Variants in CDKAL1 observed in about 807,000 individuals in gnomAD.
The protein encoded by CDKAL1 is threonylcarbamoyladenosine tRNA methylthiotransferase.
Under a neutral mutation model 68.2 loss-of-function variants are expected in CDKAL1, and 32 were observed. The ratio of observed to expected loss-of-function variants is 0.47; its 90% CI spans 0.35 to 0.63. The LOEUF is 0.63. Ranked by LOEUF, CDKAL1 falls within the 30% of genes least tolerant of loss-of-function variation. The probability of loss-of-function intolerance (pLI) is 0.00; values close to 1 mark genes in which losing one functional copy is unlikely to be tolerated. For synonymous variants in CDKAL1, 234 were observed against 244.3 expected, an observed-to-expected ratio of 0.96 and a Z score of 0.39; for missense variants, 606 against 696.7, an observed-to-expected ratio of 0.87 and a Z score of 1.47.
At chr6:21,058,308 T>G (rs919786653) in intron 11 of CDKAL1, among the ~76,000 whole-genome samples, 1 of 152,234 alleles carries the variant, frequency 6.6e-6, no homozygotes, top group Admixed American at 6.5e-5. Flanking sequence ...GTTTAAAATC[T>G]GTTTTGTCAT....
Position 20,608,130 on chromosome 6 carries a change from A to G in CDKAL1, c.287-41163A>G, listed in dbSNP as rs146042297. On this transcript the variant is annotated intron_variant, in intron 4 of 15. Transcript: ENST00000274695. ...CATTTGGGTACATAGAAGTTTACTG[A>G]GGAAAGAAGTTTAGTGTCTGTCATA... 1.2e-3 allele frequency among the ~76,000 whole-genome samples: 187 copies of G among 152,362 alleles called. 5 individuals carry two copies. In the East Asian group the frequency reaches 0.034, roughly 28 times the overall value.
chr6:20,629,662 A>G lies in CDKAL1; in HGVS notation c.287-19631A>G, dbSNP rs1448356906. Among the ~76,000 whole-genome samples, 3 of 152,106 alleles carry G rather than the reference A, an allele frequency of 2.0e-5. No homozygotes were observed. In the South Asian group the frequency reaches 6.2e-4, roughly 32 times the overall value. On this transcript the variant is annotated intron_variant, in intron 4 of 15. Transcript: ENST00000274695. ...ATTTCTGCTCTCCTGCCCAATATGG[A>G]TGCCCTTTTCACCTCCTGGTCTTTG...
chr6:20,651,188 A>G (rs1207426510), intron 5 of CDKAL1, among the ~76,000 whole-genome samples: 1 of 152,176 alleles, frequency 6.6e-6, no homozygotes, highest in African/African-American at 2.4e-5. Context: ...ATCCATGAGC[A>G]TGGAATGTTT....
rs1774657226 is a variant in CDKAL1, at chr6:20,765,447, C to CATT, written c.517+6804_517+6805insATT. ...CTGGGATTACAGGCGTGAGCCACCG[C>CATT]GCCCGGCCGGTTACATTCTTAAATG... is the stretch of plus-strand genomic sequence containing the variant. On this transcript the variant is annotated intron_variant, in intron 7 of 15. Transcript: ENST00000274695. Among the ~76,000 whole-genome samples, 2 of 30,118 alleles carry CATT rather than the reference C, an allele frequency of 6.6e-5. 1 individual carries two copies. The highest frequency in any genetic ancestry group is 6.8e-4 in the Admixed American group (2 of 2,956). The allele number at this position is 30,118 out of a possible 152,430, so 19.8% of individuals were successfully genotyped here.
intron 13 of CDKAL1, among the ~76,000 whole-genome samples, chr6:21,149,910 T>C (rs1582304795): frequency 6.6e-6 from 1 of 152,118 alleles, no homozygotes; most frequent in Non-Finnish European, 1.5e-5. Context: ...CAGGCTGGAG[T>C]GCAGTGGCGC....
chr6:20,952,857 T>A (rs2150722234), intron 9 of CDKAL1, among the ~76,000 whole-genome samples: 1 of 152,352 alleles, frequency 6.6e-6, no homozygotes, highest in East Asian at 1.9e-4. Context: ...GGATTCCACA[T>A]TTAGCGTCAC....
chr6:21,130,926 C>T (rs574386418), intron 13 of CDKAL1, among the ~76,000 whole-genome samples: 1 of 152,302 alleles, frequency 6.6e-6, no homozygotes, highest in South Asian at 2.1e-4. Flanking sequence ...TGGAATTCCT[C>T]TTTCATCAGC....
At chr6:21,114,752 A>C (rs1774321568) in intron 13 of CDKAL1, among the ~76,000 whole-genome samples, 1 of 152,192 alleles carries the variant, frequency 6.6e-6, no homozygotes, top group Non-Finnish European at 1.5e-5. Context: ...AAAAGAAAAA[A>C]GAAAAGAAAA....
intron 11 of CDKAL1, among the ~76,000 whole-genome samples, chr6:21,062,976 G>A (rs1002030993): frequency 6.6e-5 from 10 of 152,048 alleles, no homozygotes; most frequent in South Asian, 2.1e-4. Flanking sequence ...GTGCAGTGGC[G>A]CGATGTCGGC....
intron 4 of CDKAL1, among the ~76,000 whole-genome samples, chr6:20,604,942 A>G (rs1766269898): frequency 6.6e-6 from 1 of 152,090 alleles, no homozygotes; most frequent in African/African-American, 2.4e-5. Context: ...GAGACCTTGG[A>G]CTTCAAGGGG....
At chr6:21,195,555 T>A (rs2151102531) in intron 13 of CDKAL1, among the ~76,000 whole-genome samples, 1 of 151,244 alleles carries the variant, frequency 6.6e-6, no homozygotes, top group African/African-American at 2.4e-5. Flanking sequence ...CAGTCACCAA[T>A]GCTGGAATGC....
chr6:20,847,931 C>T (rs529533892), intron 9 of CDKAL1, among the ~76,000 whole-genome samples: 36 of 152,262 alleles, frequency 2.4e-4, no homozygotes, highest in Non-Finnish European at 2.6e-4. Flanking sequence ...CTCAAGGGCC[C>T]GGATACAGAA....
intron 5 of CDKAL1, among the ~76,000 whole-genome samples, chr6:20,732,065 A>T (rs1009495582): frequency 2.6e-5 from 4 of 151,570 alleles, no homozygotes; most frequent in Non-Finnish European, 5.9e-5. Flanking sequence ...AATTTTTTTG[A>T]GATGGAGTCT....
intron 11 of CDKAL1, among the ~76,000 whole-genome samples, chr6:21,013,627 A>G (rs1768140727): frequency 6.6e-6 from 1 of 152,208 alleles, no homozygotes; most frequent in African/African-American, 2.4e-5. Context: ...TAATATCTCT[A>G]TAGCTATAGA....
chr6:20,740,938 T>C (rs1039837314), intron 6 of CDKAL1, among the ~76,000 whole-genome samples: 4 of 152,140 alleles, frequency 2.6e-5, no homozygotes, highest in African/African-American at 7.2e-5. Flanking sequence ...GGTAGGGAAA[T>C]AGGAAACTAG....
chr6:20,905,989 A>G lies in CDKAL1; in HGVS notation c.743-49430A>G, dbSNP rs147050110. ...GATTGGCGTGAAAGGACACTGGACAATAACCTGAAACCCTTTGAAGAAATA... is the reference window on the plus strand; with the variant it reads ...GATTGGCGTGAAAGGACACTGGACAGTAACCTGAAACCCTTTGAAGAAATA... On this transcript the variant is annotated intron_variant, in intron 9 of 15. Coordinates refer to ENST00000274695, the MANE Select transcript of CDKAL1 (RefSeq NM_017774.3). 1.6e-3 allele frequency among the ~76,000 whole-genome samples: 240 copies of G among 152,360 alleles called. 1 individual carries two copies. The highest frequency in any genetic ancestry group is 5.3e-3 in the African/African-American group (220 of 41,592).
At chr6:21,057,659 T>G (rs2150921663) in intron 11 of CDKAL1, among the ~76,000 whole-genome samples, 1 of 135,378 alleles carries the variant, frequency 7.4e-6, no homozygotes, top group South Asian at 2.6e-4. Flanking sequence ...GGGCATTTAG[T>G]GCTATAAATT....
chr6:21,103,568 C>T (rs1014879807), intron 12 of CDKAL1, among the ~76,000 whole-genome samples: 4 of 152,082 alleles, frequency 2.6e-5, no homozygotes, highest in African/African-American at 4.8e-5. Context: ...ACCAAACATG[C>T]ATACTGCCTC....
intron 11 of CDKAL1, among the ~76,000 whole-genome samples, chr6:21,037,116 C>T (rs116408088): frequency 0.011 from 1,602 of 152,146 alleles, 30 homozygotes; most frequent in African/African-American, 0.036. Context: ...AAATCTAAAA[C>T]GGAAACCCAA....
Sources: allele counts gnomAD v4.1 joint callset (sites outside exome capture counted in the v4.1 genomes callset), GRCh38; gene constraint gnomAD v4.1.1; transcripts MANE v1.5; gene names NCBI Gene and HGNC (gene_info 2026-07-23, HGNC 2026-07-21).